Variants in CCDC146 observed in about 807,000 individuals in gnomAD.
CCDC146 encodes the protein coiled-coil domain containing 146, also known as coiled-coil domain-containing protein 146.
CCDC146 carries 92 observed loss-of-function variants against 119.3 expected under a neutral mutation model. That is an observed-to-expected ratio of 0.77 (90% CI 0.65 to 0.92). The LOEUF is 0.92. Ranked by LOEUF, CCDC146 falls within the 40% of genes least tolerant of loss-of-function variation. CCDC146 has a pLI of 0.00. For synonymous variants in CCDC146, 372 were observed against 371.8 expected (o/e 1.00, Z -0.01); for missense variants, 1,000 against 1,103.0 (o/e 0.91, Z 1.32).
intron 2 of CCDC146, among the ~76,000 whole-genome samples, chr7:77,180,245 A>G (rs1232342514): frequency 2.7e-5 from 4 of 147,512 alleles, no homozygotes; most frequent in Non-Finnish European, 4.4e-5. Flanking sequence ...ACCCATATGT[A>G]TGTACCATAT....
chr7:77,207,479 C>G (rs959626113), intron 2 of CCDC146, among the ~76,000 whole-genome samples: 1 of 152,038 alleles, frequency 6.6e-6, no homozygotes, highest in Non-Finnish European at 1.5e-5. Flanking sequence ...AGTATTTTGA[C>G]AATTGATACA....
chr7:77,214,784 G>A (rs575258061), intron 2 of CCDC146, among the ~76,000 whole-genome samples: 1 of 152,026 alleles, frequency 6.6e-6, no homozygotes, highest in East Asian at 1.9e-4. Context: ...CTGTTCCATC[G>A]ATCTGTGTGT....
At chr7:77,226,569 T>A (rs145676136) in intron 2 of CCDC146, among the ~76,000 whole-genome samples, 389 of 152,362 alleles carry the variant, frequency 2.6e-3, no homozygotes, top group African/African-American at 9.0e-3. Flanking sequence ...CTTTTTAAAC[T>A]TTATCTCTAG....
chr7:77,142,534 A>G (rs1231712149), intron 1 of CCDC146, among the ~76,000 whole-genome samples: 4 of 151,870 alleles, frequency 2.6e-5, no homozygotes, highest in African/African-American at 4.8e-5. Context: ...CATTTACATT[A>G]GGTATATCTC....
chr7:77,284,170 GTGGACAGACT>G (rs1228600713), intron 15 of CCDC146, among the ~76,000 whole-genome samples: 3 of 152,212 alleles, frequency 2.0e-5, no homozygotes, highest in African/African-American at 4.8e-5. Context: ...CGAGGCCTCT[GTGGACAGACT>G]TTATTAAAGA....
intron 3 of CCDC146, among the ~76,000 whole-genome samples, chr7:77,238,902 C>T (rs1792791130): frequency 6.6e-6 from 1 of 152,156 alleles, no homozygotes; most frequent in Non-Finnish European, 1.5e-5. Flanking sequence ...CTTCTGCTAC[C>T]CACATTTTAC....
intron 2 of CCDC146, among the ~76,000 whole-genome samples, chr7:77,177,467 G>A (rs3114355): frequency 0.13 from 19,079 of 152,064 alleles, 1,791 homozygotes; most frequent in Non-Finnish European, 0.18. Context: ...ATTGAGACTC[G>A]CCCTGGGTTA....
rs557646891 is a variant in CCDC146 at position 77,261,921 on chromosome 7, C to T, written c.987-200C>T. Among the ~76,000 whole-genome samples, 36 of 152,250 alleles carry T rather than the reference C, an allele frequency of 2.4e-4. No individual in the cohort carries two copies. The South Asian group carries it at 7.2e-3, about 31-fold the overall frequency. On this transcript the variant is annotated intron_variant, in intron 8 of 18. Coordinates refer to ENST00000285871, the MANE Select transcript of CCDC146 (RefSeq NM_020879.3). ...GTGATGAGCAAATGTGTGCATGTGT[C>T]TTTAGGATATAACAGTTTATATTCC...
intron 1 of CCDC146, among the ~76,000 whole-genome samples, chr7:77,147,542 T>A (rs1436029384): frequency 5.3e-5 from 8 of 152,246 alleles, no homozygotes. Flanking sequence ...TTTGTGGTTT[T>A]ATCTACCTTT....
chr7:77,225,188 C>G (rs953276115), intron 2 of CCDC146, among the ~76,000 whole-genome samples: 5 of 152,122 alleles, frequency 3.3e-5, no homozygotes, highest in African/African-American at 1.2e-4. Context: ...TTTTTTCTCT[C>G]TTACAACTGA....
At chr7:77,232,124 TG>T (rs768412849) in intron 2 of CCDC146, among the ~76,000 whole-genome samples, 3 of 152,236 alleles carry the variant, frequency 2.0e-5, no homozygotes, top group Non-Finnish European at 4.4e-5. Flanking sequence ...CTTGTTTTTT[TG>T]TTTTTAAACT....
At chr7:77,204,022 G>GTT (rs34987148) in intron 2 of CCDC146, among the ~76,000 whole-genome samples, 2 of 147,854 alleles carry the variant, frequency 1.4e-5, no homozygotes, top group Admixed American at 6.8e-5. Flanking sequence ...CCCTAATACA[G>GTT]TTTTTTTTTT....
At chr7:77,284,831 T>C (rs1464270788) in intron 15 of CCDC146, among the ~76,000 whole-genome samples, 1 of 152,048 alleles carries the variant, frequency 6.6e-6, no homozygotes, top group African/African-American at 2.4e-5. Context: ...CCGGAGTGAA[T>C]TCTGATTATC....
At chr7:77,199,822 A>T (rs1477991781) in intron 2 of CCDC146, 1 of 1,600,448 alleles carries the variant, frequency 6.2e-7, no homozygotes, top group Middle Eastern at 1.7e-4. Flanking sequence ...CCCAGCAGGG[A>T]GTGCGCAGGG....
At chr7:77,126,152 T>C (rs1456392900) in intron 1 of CCDC146, among the ~76,000 whole-genome samples, 1 of 152,160 alleles carries the variant, frequency 6.6e-6, no homozygotes, top group Non-Finnish European at 1.5e-5. Flanking sequence ...TTGCTTAGAC[T>C]TTTTATCATA....
chr7:77,288,064 G>C (rs1017624304), intron 17 of CCDC146, among the ~76,000 whole-genome samples: 1 of 152,166 alleles, frequency 6.6e-6, no homozygotes. Flanking sequence ...AGTGAGGAAA[G>C]GCCAGGAATA....
rs1448425420 is a variant in CCDC146 at position 77,295,167 on chromosome 7, T to C, written c.*301T>C. 2 of 248,200 alleles carry C rather than the reference T, an allele frequency of 8.1e-6. No individual in the cohort carries two copies. The highest frequency in any genetic ancestry group is 1.6e-5 in the Non-Finnish European group (2 of 127,880). The allele number at this position is 248,200 out of a possible 1,614,324, so 15.4% of individuals were successfully genotyped here. On this transcript the variant is annotated 3_prime_UTR_variant, in exon 19 of 19. Transcript: ENST00000285871. ...CAGAAATTTGTAGTAGGCAAGGTGC[T>C]ATAAAAATGCACTAAAAATAAATCT...
intron 2 of CCDC146, among the ~76,000 whole-genome samples, chr7:77,189,502 A>G (rs944214538): frequency 1.1e-4 from 16 of 151,952 alleles, no homozygotes; most frequent in South Asian, 2.1e-4. Flanking sequence ...TACAAAAGCG[A>G]CCCCTTTAAA....
At chr7:77,215,090 C>T (rs115315705) in intron 2 of CCDC146, among the ~76,000 whole-genome samples, 3,821 of 152,132 alleles carry the variant, frequency 0.025, 144 homozygotes, top group African/African-American at 0.086. Flanking sequence ...GCTGTAGAGG[C>T]ATGATAAATA....
Sources: allele counts gnomAD v4.1 joint callset (sites outside exome capture counted in the v4.1 genomes callset), GRCh38; gene constraint gnomAD v4.1.1; transcripts MANE v1.5; gene names NCBI Gene and HGNC (gene_info 2026-07-23, HGNC 2026-07-21).